Variants in PTPRD observed in about 807,000 individuals in gnomAD.
PTPRD encodes the protein receptor-type tyrosine-protein phosphatase delta.
In PTPRD, 34 loss-of-function variants were observed where a neutral mutation model predicts 214.5. The observed-to-expected ratio is 0.16, with a 90% CI of 0.12 to 0.21. The LOEUF (loss-of-function observed/expected upper bound fraction) is 0.21. PTPRD is among the 10% of genes least tolerant of loss of function. The probability of loss-of-function intolerance (pLI) is 1.00; values close to 1 mark genes in which losing one functional copy is unlikely to be tolerated. For synonymous variants in PTPRD, 1,128 were observed against 845.7 expected (o/e 1.33, Z -5.79); for missense variants, 2,545 against 2,398.7 (o/e 1.06, Z -1.27).
chr9:8,590,449 T>A (rs1447483245), intron 14 of PTPRD, among the ~76,000 whole-genome samples: 1 of 152,120 alleles, frequency 6.6e-6, no homozygotes, highest in Non-Finnish European at 1.5e-5. Flanking sequence ...TTGCAACCAA[T>A]CAAGTTTTAC....
At chr9:10,528,312 G>T (rs2054974010) in intron 2 of PTPRD, among the ~76,000 whole-genome samples, 1 of 152,072 alleles carries the variant, frequency 6.6e-6, no homozygotes, top group South Asian at 2.1e-4. Flanking sequence ...CAAACTCTCT[G>T]GACCTCCCCA....
chr9:10,378,722 T>C (rs1214484405), intron 2 of PTPRD, among the ~76,000 whole-genome samples: 5 of 152,090 alleles, frequency 3.3e-5, no homozygotes, highest in African/African-American at 1.2e-4. Context: ...AGTATAGCTG[T>C]GTATTATAAT....
intron 21 of PTPRD, among the ~76,000 whole-genome samples, chr9:8,511,286 G>A (rs2097676085): frequency 6.6e-6 from 1 of 152,006 alleles, no homozygotes; most frequent in Admixed American, 6.6e-5. Flanking sequence ...GCACCAGGTT[G>A]TCTGAACTTC....
chr9:9,621,549 GTGATGTGGATGCTCAGTGTGAAAGCAGGA>G (rs1324591087), intron 7 of PTPRD, among the ~76,000 whole-genome samples: 1 of 152,210 alleles, frequency 6.6e-6, no homozygotes, highest in Non-Finnish European at 1.5e-5. Flanking sequence ...TCCTGTGGAT[GTGATGTGGATGCTCAGTGTGAAAGCAGGA>G]TGAACAATAA....
chr9:9,982,466 G>T (rs62536939), intron 4 of PTPRD, among the ~76,000 whole-genome samples: 14,350 of 74,820 alleles, frequency 0.19, 1,600 homozygotes, highest in African/African-American at 0.44. Context: ...TTGTTGTTGT[G>T]GTGGTGGTGG....
intron 11 of PTPRD, among the ~76,000 whole-genome samples, chr9:8,842,502 T>C (rs1163881786): frequency 6.6e-6 from 1 of 152,192 alleles, no homozygotes; most frequent in Admixed American, 6.5e-5. Context: ...GGTTTGTATT[T>C]GATATGGCTG....
At chr9:8,870,142 A>T (rs1016270543) in intron 11 of PTPRD, among the ~76,000 whole-genome samples, 5 of 147,102 alleles carry the variant, frequency 3.4e-5, no homozygotes, top group African/African-American at 1.3e-4. Context: ...AAAAAAAAAA[A>T]GGTTTAAACG....
intron 3 of PTPRD, among the ~76,000 whole-genome samples, chr9:10,266,372 A>T (rs1194418316): frequency 6.6e-6 from 1 of 152,172 alleles, no homozygotes; most frequent in Non-Finnish European, 1.5e-5. Flanking sequence ...CCAGATGTAA[A>T]TGTAGTTCTA....
chr9:9,998,125 A>ATAT (rs1286206158), intron 4 of PTPRD, among the ~76,000 whole-genome samples: 1,291 of 48,498 alleles, frequency 0.027, 20 homozygotes, highest in Middle Eastern at 0.12. Context: ...TAAAAAAAAA[A>ATAT]AAAAATATAT....
At chr9:9,200,477 A>G (rs1475330507) in intron 9 of PTPRD, among the ~76,000 whole-genome samples, 2 of 152,212 alleles carry the variant, frequency 1.3e-5, no homozygotes, top group East Asian at 3.8e-4. Context: ...TATGAGCAAT[A>G]TATTTTGTTG....
At chr9:8,744,640 C>A (rs777784450) in intron 11 of PTPRD, among the ~76,000 whole-genome samples, 1 of 152,112 alleles carries the variant, frequency 6.6e-6, no homozygotes, top group Non-Finnish European at 1.5e-5. Flanking sequence ...ACTTTGGGGA[C>A]TCAAGGGAAA....
At chr9:8,827,366 G>T (rs1256505010) in intron 11 of PTPRD, among the ~76,000 whole-genome samples, 1 of 152,148 alleles carries the variant, frequency 6.6e-6, no homozygotes, top group Non-Finnish European at 1.5e-5. Context: ...CAGCACTTTG[G>T]GAGGCCAAGG....
At chr9:9,338,892 T>C (rs1216688143) in intron 9 of PTPRD, among the ~76,000 whole-genome samples, 1 of 152,094 alleles carries the variant, frequency 6.6e-6, no homozygotes, top group Non-Finnish European at 1.5e-5. Flanking sequence ...CCTCCCTGTG[T>C]CCATGTGTTC....
At chr9:10,227,173 A>G (rs2154353311) in intron 3 of PTPRD, among the ~76,000 whole-genome samples, 1 of 152,144 alleles carries the variant, frequency 6.6e-6, no homozygotes, top group Non-Finnish European at 1.5e-5. Context: ...TCACGTGGCC[A>G]TGATTTGTTC....
chr9:10,282,602 G>T (rs2095175502), intron 3 of PTPRD, among the ~76,000 whole-genome samples: 1 of 152,086 alleles, frequency 6.6e-6, no homozygotes, highest in Non-Finnish European at 1.5e-5. Context: ...AATATCTGAA[G>T]GCTGTGGCTC....
At chr9:10,407,516 T>A (rs1393192368) in intron 2 of PTPRD, among the ~76,000 whole-genome samples, 1 of 151,540 alleles carries the variant, frequency 6.6e-6, no homozygotes, top group African/African-American at 2.4e-5. Context: ...AGAAATCAGC[T>A]GCAAACAGCT....
chr9:8,831,434 T>C (rs924470126), intron 11 of PTPRD, among the ~76,000 whole-genome samples: 9 of 152,080 alleles, frequency 5.9e-5, no homozygotes, highest in African/African-American at 1.9e-4. Context: ...CATTATACAG[T>C]CTACATACAA....
chr9:9,558,833 C>T (rs938933806), intron 8 of PTPRD, among the ~76,000 whole-genome samples: 6 of 152,184 alleles, frequency 3.9e-5, no homozygotes, highest in Non-Finnish European at 8.8e-5. Flanking sequence ...AATTCGGGGA[C>T]ACCCTTCCTA....
At chr9:10,435,806 GAGTTATAAAAATC>G (rs1468391567) in intron 2 of PTPRD, among the ~76,000 whole-genome samples, 9 of 151,842 alleles carry the variant, frequency 5.9e-5, no homozygotes, top group Admixed American at 2.0e-4. Context: ...AGAAAAGGAT[GAGTTATAAAAATC>G]AGTCTACTAA....
Sources: gnomAD v4.1 joint callset for allele counts (sites outside exome capture counted in the v4.1 genomes callset) on GRCh38, gnomAD v4.1.1 for gene constraint, MANE v1.5 for transcripts, NCBI Gene and HGNC (gene_info 2026-07-23, HGNC 2026-07-21) for gene names.